The following SRPK2 variants were observed in gnomAD, a reference collection of about 807,000 sequenced individuals.
SRPK2 encodes the protein SFRS protein kinase 2.
A neutral mutation model predicts 90.8 loss-of-function variants in SRPK2; 21 were observed. That is an observed-to-expected ratio of 0.23 (90% CI 0.16 to 0.33). SRPK2 has a LOEUF of 0.33. SRPK2 is among the 10% of genes least tolerant of loss of function. The pLI, the probability that SRPK2 is intolerant of heterozygous loss-of-function variation, is 1.00. For synonymous variants in SRPK2, 288 were observed against 311.1 expected, an observed-to-expected ratio of 0.93 and a Z score of 0.78; for missense variants, 620 against 869.0, an observed-to-expected ratio of 0.71 and a Z score of 3.60.
chr7:105,144,969 G>A (rs998434491), intron 9 of SRPK2, among the ~76,000 whole-genome samples: 5 of 152,036 alleles, frequency 3.3e-5, no homozygotes, highest in South Asian at 2.1e-4. Flanking sequence ...AGTTGGGTGC[G>A]GTGGCAGGTG....
chr7:105,339,020 TATGAC>T (rs1386627090), intron 2 of SRPK2, among the ~76,000 whole-genome samples: 3 of 152,192 alleles, frequency 2.0e-5, no homozygotes, highest in Non-Finnish European at 1.5e-5. Context: ...TAATAATAGT[TATGAC>T]ATTAACTATT....
intron 2 of SRPK2, among the ~76,000 whole-genome samples, chr7:105,219,295 A>G (rs1363050198): frequency 6.6e-6 from 1 of 152,186 alleles, no homozygotes; most frequent in Non-Finnish European, 1.5e-5. Flanking sequence ...GAATCAGACC[A>G]GGATCTTAGT....
chr7:105,362,973 T>C (rs1021511868), intron 2 of SRPK2, among the ~76,000 whole-genome samples: 1 of 151,582 alleles, frequency 6.6e-6, no homozygotes, highest in African/African-American at 2.4e-5. Context: ...TTCTCACTCA[T>C]AGGAACTGAA....
intron 2 of SRPK2, among the ~76,000 whole-genome samples, chr7:105,368,963 G>T (rs1322803627): frequency 6.6e-6 from 1 of 151,544 alleles, no homozygotes; most frequent in African/African-American, 2.4e-5. Context: ...AATGGTTTAG[G>T]GCAATGGACT....
At chr7:105,204,647 T>C (rs41562) in intron 2 of SRPK2, 216,667 of 892,870 alleles carry the variant, frequency 0.24, 30,991 homozygotes, top group Admixed American at 0.31. Context: ...TTGCCCGACA[T>C]GTGAGTGCCA....
At position 105,301,286 on chromosome 7, in the gene SRPK2, CAA is replaced by C. The variant is rs35944611; in HGVS notation, c.71+87360_71+87361del. Among the ~76,000 whole-genome samples the C allele has an allele frequency of 1.6e-3, 202 of 123,768 alleles. 1 individual carries two copies. The highest frequency in any genetic ancestry group is 2.6e-3 in the African/African-American group (88 of 33,570). The allele number at this position is 123,768 out of a possible 152,430, so 81.2% of individuals were successfully genotyped here. A position where few individuals can be genotyped will look rare whatever the true frequency, so the allele number is the denominator to read the frequency against. On this transcript the variant is annotated intron_variant, in intron 2 of 15. Coordinates refer to ENST00000393651, the MANE Select transcript of SRPK2 (RefSeq NM_182692.3). The stretch of plus-strand genomic sequence containing the variant: ...TGAAACCCCGTCTCTACTAAAAATA[CAA>C]AAAAAAAAAAAAAAAGCCGCGGCTC...
At chr7:105,215,804 T>C (rs915249668) in intron 2 of SRPK2, among the ~76,000 whole-genome samples, 9 of 151,940 alleles carry the variant, frequency 5.9e-5, no homozygotes, top group African/African-American at 2.2e-4. Flanking sequence ...AAACAGAAGG[T>C]AGATCAGTAA....
At chr7:105,222,268 G>C (rs1798187582) in intron 2 of SRPK2, among the ~76,000 whole-genome samples, 3 of 152,206 alleles carry the variant, frequency 2.0e-5, no homozygotes, top group Admixed American at 1.3e-4. Context: ...ACACCAGGAA[G>C]AATCTTTATT....
chr7:105,357,486 T>G (rs1204676195), intron 2 of SRPK2, among the ~76,000 whole-genome samples: 1 of 152,110 alleles, frequency 6.6e-6, no homozygotes, highest in Non-Finnish European at 1.5e-5. Context: ...CTTCACTATT[T>G]CTAGATCTGA....
Position 105,142,400 on chromosome 7 carries a change from A to G in SRPK2, c.1151T>C (p.Ile384Thr). The G allele has an allele frequency of 6.2e-7, 1 of 1,614,100 alleles. No homozygotes were observed. The highest frequency in any genetic ancestry group is 8.5e-7 in the Non-Finnish European group (1 of 1,180,010). The change falls in exon 11 of 16, where the codon ATA (isoleucine) becomes ACA (threonine). Residue 384 changes from isoleucine (I) to threonine (T), a missense_variant. By Grantham distance (89) the Ile-to-Thr change is moderately conservative. Coordinates refer to ENST00000393651, the MANE Select transcript of SRPK2 (RefSeq NM_182692.3). ...AGGTGATTCTATCCACGTAGGGTCTATGTTCGCAAGTTCCTGATCTACATC... is the reference window on the plus strand; with the variant it reads ...AGGTGATTCTATCCACGTAGGGTCTGTGTTCGCAAGTTCCTGATCTACATC... ...EDDVDQELAN[I>T]DPTWIESPKT...
At position 105,117,885 on chromosome 7, in the gene SRPK2, G is replaced by A; in HGVS notation, c.2053C>T (p.Arg685Ter). 1 of 1,613,658 alleles carries A rather than the reference G, an allele frequency of 6.2e-7. No individual in the cohort carries two copies. Among genetic ancestry groups the A allele is most frequent in the Non-Finnish European group, 8.5e-7 (1 of 1,180,028 alleles). ...CGAAGGCATTCGCCAGCTGAGGCTC[G>A]TTTTTCTGGAACCATTTCTAACATC... Reference protein sequence around the residue: ...IPMLEMVPEKRASAGECLRHP... With the variant: ...IPMLEMVPEK Residue 685 changes from arginine (R) to a stop codon, truncating the protein, a stop_gained, in exon 16 of 16, where the codon CGA becomes TGA. Coordinates refer to ENST00000393651, the MANE Select transcript of SRPK2 (RefSeq NM_182692.3). LOFTEE classifies it high-confidence loss of function.
chr7:105,291,206 G>GCTTCC (rs1808968216), intron 2 of SRPK2, among the ~76,000 whole-genome samples: 1 of 152,150 alleles, frequency 6.6e-6, no homozygotes, highest in African/African-American at 2.4e-5. Context: ...AGAGATGATG[G>GCTTCC]CAGGGGCCTG....
rs1799760319 is a variant in SRPK2, at chr7:105,117,674, A to G, written c.*164T>C. 2 of 679,988 alleles carry G rather than the reference A, an allele frequency of 2.9e-6. No individual in the cohort carries two copies. Among genetic ancestry groups the G allele is most frequent in the Non-Finnish European group, 4.9e-6 (2 of 408,340 alleles). 42.1% of individuals were successfully genotyped at this position (679,988 alleles called of 1,614,324 possible). A position where few individuals can be genotyped will look rare whatever the true frequency, so the allele number is the denominator to read the frequency against. On this transcript the variant is annotated 3_prime_UTR_variant, in exon 16 of 16. Coordinates refer to ENST00000393651, the MANE Select transcript of SRPK2 (RefSeq NM_182692.3). The stretch of plus-strand genomic sequence containing the variant: ...AAAGACTACCCTTCCCCAGGATCAC[A>G]GTGCACAAAAAGCAAAATGTCAAAC...
At chr7:105,333,679 G>C (rs1286183862) in intron 2 of SRPK2, among the ~76,000 whole-genome samples, 1 of 152,176 alleles carries the variant, frequency 6.6e-6, no homozygotes, top group Admixed American at 6.6e-5. Flanking sequence ...GAGGGAGAGA[G>C]AGACAGAAGA....
At chr7:105,201,305 G>A in intron 3 of SRPK2, among the ~76,000 whole-genome samples, 1 of 152,150 alleles carries the variant, frequency 6.6e-6, no homozygotes, top group Admixed American at 6.5e-5. Flanking sequence ...GGGGGGGCTG[G>A]CACGGGTATA....
At chr7:105,323,987 G>GTA (rs973547340) in intron 2 of SRPK2, among the ~76,000 whole-genome samples, 2 of 125,108 alleles carry the variant, frequency 1.6e-5, no homozygotes, top group Non-Finnish European at 3.7e-5. Flanking sequence ...GTGTGTGTGT[G>GTA]TGTGTGTGTG....
chr7:105,391,269 G>T (rs911028888), upstream of SRPK2, among the ~76,000 whole-genome samples: 1 of 151,938 alleles, frequency 6.6e-6, no homozygotes, highest in African/African-American at 2.4e-5. Flanking sequence ...GCAATGGCAC[G>T]ATCTCAGCTC....
intron 7 of SRPK2, among the ~76,000 whole-genome samples, chr7:105,149,246 T>C (rs1361665352): frequency 6.6e-6 from 1 of 152,218 alleles, no homozygotes; most frequent in Non-Finnish European, 1.5e-5. Flanking sequence ...AACCGCCCTA[T>C]GGTGGGAGGT....
rs141968087 is a variant in SRPK2, at chr7:105,203,726, G to C, written c.131C>G (p.Pro44Arg). The C allele has an allele frequency of 2.5e-6, 4 of 1,605,842 alleles. No homozygotes were observed. Residue 44 changes from proline to arginine, a missense_variant, in exon 3 of 16, where the codon CCA becomes CGA. Transcript: ENST00000393651. ...TGTGGGGTCTGGCAAAGGTGGCGGT[G>C]GTGGTGGTGGTGGCGGTGGAGGAGG... is the stretch of plus-strand genomic sequence containing the variant. Reference protein sequence around the residue: ...VPPPPPPPPPPPPPLPDPTPP... With the variant: ...VPPPPPPPPPRPPPLPDPTPP...
Sources: allele counts gnomAD v4.1 joint callset (sites outside exome capture counted in the v4.1 genomes callset), GRCh38; gene constraint gnomAD v4.1.1; transcripts MANE v1.5; gene names NCBI Gene and HGNC (gene_info 2026-07-23, HGNC 2026-07-21).